PUS7: variants seen among roughly 807,000 people sequenced by gnomAD.
The protein encoded by PUS7 is pseudouridine synthase 7.
Under a neutral mutation model 79.8 loss-of-function variants are expected in PUS7, and 48 were observed. That is an observed-to-expected ratio of 0.60 (90% CI 0.48 to 0.76). The LOEUF (loss-of-function observed/expected upper bound fraction) is 0.76, where lower values mean the gene tolerates loss of function less well. Ranked by LOEUF, PUS7 falls within the 30% of genes least tolerant of loss-of-function variation. The pLI, the probability that PUS7 is intolerant of heterozygous loss-of-function variation, is 0.00. For missense variants in PUS7, 729 were observed against 797.6 expected, an observed-to-expected ratio of 0.91 and a Z score of 1.04; for synonymous variants, 286 against 272.2, an observed-to-expected ratio of 1.05 and a Z score of -0.50.
chr7:105,510,754 A>ATCT (rs1825670970), intron 1 of PUS7, among the ~76,000 whole-genome samples: 1 of 151,842 alleles, frequency 6.6e-6, no homozygotes, highest in South Asian at 2.1e-4. Flanking sequence ...ACCTCAAGTG[A>ATCT]TCTTCCCACA....
Position 105,465,347 on chromosome 7 carries a change from C to T in PUS7, c.1593G>A (p.Leu531=). 6.2e-7 allele frequency: 1 copy of T among 1,613,500 alleles called. No homozygotes were observed. Among genetic ancestry groups the T allele is most frequent in the Non-Finnish European group, 8.5e-7 (1 of 1,179,554 alleles). ...TTGGGTAGATAACATCGAAACCAGGCAAGGGCATTACCACATCATGGATAG... is the reference window on the plus strand; with the variant it reads ...TTGGGTAGATAACATCGAAACCAGGTAAGGGCATTACCACATCATGGATAG... ...NYSIHDVVMP[L]PGFDVIYPKH... Residue 531 remains leucine (L), a synonymous_variant, in exon 13 of 16, where the codon TTG becomes TTA. Transcript: ENST00000469408.
rs1438897652 is a variant in PUS7 at position 105,496,963 on chromosome 7, T to C, written c.731-1710A>G. On this transcript the variant is annotated intron_variant, in intron 5 of 15. Coordinates refer to ENST00000469408, the MANE Select transcript of PUS7 (RefSeq NM_019042.5). ...TGCCAAATGCTCTTACCTGCTGCAG[T>C]TCTGACCTCTGTCCAAATGCACAGC... 9 of 1,221,130 alleles carry C rather than the reference T, an allele frequency of 7.4e-6. No individual in the cohort carries two copies. The Admixed American group carries it at 1.9e-4, about 26-fold the overall frequency. 75.6% of individuals were successfully genotyped at this position (1,221,130 alleles called of 1,614,324 possible).
rs112752687 is a variant in PUS7, at chr7:105,505,003, A to AT, written c.585+951dup. The stretch of plus-strand genomic sequence containing the variant: ...TGTAGTACAAAATTAATTTAACATA[A>AT]TTTTTTTTTTTTTTTGATATGGAGT... On this transcript the variant is annotated intron_variant, in intron 4 of 15. Coordinates refer to ENST00000469408, the MANE Select transcript of PUS7 (RefSeq NM_019042.5). 9.0e-3 allele frequency among the ~76,000 whole-genome samples: 1,278 copies of AT among 142,644 alleles called. 27 individuals are homozygous for AT. The highest frequency in any genetic ancestry group is 0.026 in the African/African-American group (1,030 of 39,218). 93.6% of individuals were successfully genotyped at this position (142,644 alleles called of 152,430 possible). A position where few individuals can be genotyped will look rare whatever the true frequency, so the allele number is the denominator to read the frequency against.
At position 105,459,281 on chromosome 7, in the gene PUS7, A is replaced by G. The variant is rs150330412; in HGVS notation, c.1758-22T>C. Reference sequence around the variant, plus strand: ...TTCCCTTCAAAACATATGAATAAAGATAAGTGTGAATGTGAACTTTCATAA... The same window carrying G: ...TTCCCTTCAAAACATATGAATAAAGGTAAGTGTGAATGTGAACTTTCATAA... On this transcript the variant is annotated intron_variant, in intron 14 of 15. Coordinates refer to ENST00000469408, the MANE Select transcript of PUS7 (RefSeq NM_019042.5). 1.9e-4 allele frequency: 292 copies of G among 1,509,976 alleles called. 4 individuals carry two copies. The East Asian group carries it at 3.2e-3, about 17-fold the overall frequency. The allele number at this position is 1,509,976 out of a possible 1,614,324, so 93.5% of individuals were successfully genotyped here.
At chr7:105,499,554 T>A (rs1010868004) in intron 5 of PUS7, among the ~76,000 whole-genome samples, 6 of 152,136 alleles carry the variant, frequency 3.9e-5, no homozygotes, top group Admixed American at 6.5e-5. Context: ...GATGGTATTT[T>A]AAAAAAAAAT....
chr7:105,474,898 C>T (rs1464812635), intron 9 of PUS7, among the ~76,000 whole-genome samples: 1 of 152,204 alleles, frequency 6.6e-6, no homozygotes, highest in Non-Finnish European at 1.5e-5. Context: ...ATGCTCATTG[C>T]TTTGCATATT....
At chr7:105,462,818 A>C in intron 13 of PUS7, 68 bp from the exon 14 acceptor site, 1 of 1,441,994 alleles carries the variant, frequency 6.9e-7, no homozygotes, top group Non-Finnish European at 9.5e-7. Flanking sequence ...ACTAGATTAT[A>C]AAGAGAGTAA....
intron 1 of PUS7, 86 bp from the exon 2 acceptor site, chr7:105,508,630 C>T (rs1825570368): frequency 4.7e-6 from 7 of 1,489,402 alleles, no homozygotes; most frequent in South Asian, 1.4e-5. Flanking sequence ...GTAATCCCAG[C>T]GTTTTGAGGG....
chr7:105,486,183 G>T (rs150510805), intron 7 of PUS7, among the ~76,000 whole-genome samples: 48 of 152,048 alleles, frequency 3.2e-4, no homozygotes, highest in Non-Finnish European at 5.1e-4. Context: ...CTCTCAAGTA[G>T]CTGGGATTAC....
intron 7 of PUS7, among the ~76,000 whole-genome samples, chr7:105,486,636 T>C (rs890545861): frequency 2.0e-5 from 3 of 152,086 alleles, no homozygotes; most frequent in Non-Finnish European, 2.9e-5. Flanking sequence ...CTGTAGAAAC[T>C]GACAGAACAA....
rs751500860 is a variant in PUS7, at chr7:105,491,524, C to G, written c.920+16G>C. 1.3e-6 allele frequency: 2 copies of G among 1,516,836 alleles called. No homozygotes were observed. The highest frequency in any genetic ancestry group is 1.8e-6 in the Non-Finnish European group (2 of 1,099,538). The allele number at this position is 1,516,836 out of a possible 1,614,324, so 94.0% of individuals were successfully genotyped here. ...GATATTTACAGTATAAATCCTGTTA[C>G]GTGCTCTCTACTTACTTGAGAACAG... On this transcript the variant is annotated intron_variant, in intron 7 of 15. Transcript: ENST00000469408.
chr7:105,486,049 G>T lies in PUS7; in HGVS notation c.921-3609C>A, dbSNP rs868790618. Among the ~76,000 whole-genome samples, 590 of 136,118 alleles carry T rather than the reference G, an allele frequency of 4.3e-3. 3 individuals are homozygous for T. Among genetic ancestry groups the T allele is most frequent in the African/African-American group, 0.011 (395 of 36,838 alleles). 89.3% of individuals were successfully genotyped at this position (136,118 alleles called of 152,430 possible). ...TTATTTTTCTTTCTTTTTTTTTTTTGTTTTGTTTTGTTTTTGAGACAGAGT... is the reference window on the plus strand; with the variant it reads ...TTATTTTTCTTTCTTTTTTTTTTTTTTTTTGTTTTGTTTTTGAGACAGAGT... On this transcript the variant is annotated intron_variant, in intron 7 of 15. Coordinates refer to ENST00000469408, the MANE Select transcript of PUS7 (RefSeq NM_019042.5).
At chr7:105,475,784 T>C (rs1437402913) in intron 9 of PUS7, among the ~76,000 whole-genome samples, 3 of 152,160 alleles carry the variant, frequency 2.0e-5, no homozygotes, top group Non-Finnish European at 2.9e-5. Flanking sequence ...CATCACTGTC[T>C]ACCTCCACAA....
At chr7:105,476,195 C>T (rs1270330963) in intron 9 of PUS7, among the ~76,000 whole-genome samples, 2 of 150,644 alleles carry the variant, frequency 1.3e-5, no homozygotes, top group Non-Finnish European at 3.0e-5. Context: ...GTATGGGCCA[C>T]ATTTTGTTTG....
rs575780109 is a variant in PUS7 at position 105,510,677 on chromosome 7, C to A, written c.-32-2133G>T. On this transcript the variant is annotated intron_variant, in intron 1 of 15. Transcript: ENST00000469408. ...CACAGGCGTGTACCACCACGCCTGG[C>A]TAATTTTTGTAATTTTTGGTAGAGA... 3.0e-3 allele frequency among the ~76,000 whole-genome samples: 449 copies of A among 152,122 alleles called. 5 individuals carry two copies. Among genetic ancestry groups the A allele is most frequent in the African/African-American group, 0.01 (420 of 41,500 alleles).
intron 5 of PUS7, among the ~76,000 whole-genome samples, chr7:105,501,659 C>T (rs1345272603): frequency 6.6e-6 from 1 of 151,920 alleles, no homozygotes; most frequent in East Asian, 1.9e-4. Context: ...ATGCCTCTTT[C>T]AATACAGGGG....
intron 7 of PUS7, among the ~76,000 whole-genome samples, chr7:105,487,373 G>A (rs1184357115): frequency 6.6e-6 from 1 of 152,134 alleles, no homozygotes; most frequent in East Asian, 1.9e-4. Context: ...TGACTTCTTA[G>A]TGGAATGTTT....
At chr7:105,504,596 T>G (rs187006477) in intron 4 of PUS7, among the ~76,000 whole-genome samples, 1 of 152,342 alleles carries the variant, frequency 6.6e-6, no homozygotes, top group African/African-American at 2.4e-5. Flanking sequence ...TTATGCCTTT[T>G]AAATGTACAG....
At position 105,496,194 on chromosome 7, in the gene PUS7, CACATATATATAT is replaced by C. The variant is rs540081975; in HGVS notation, c.731-953_731-942del. ...AAAAGTATGCATATCTACACACACA[CACATATATATAT>C]ATATATATATATATATATATAGAGA... On this transcript the variant is annotated intron_variant, in intron 5 of 15. Transcript: ENST00000469408. Among the ~76,000 whole-genome samples the C allele has an allele frequency of 3.6e-4, 33 of 91,612 alleles. 1 individual carries two copies. The highest frequency in any genetic ancestry group is 9.0e-4 in the South Asian group (2 of 2,234). 60.1% of individuals were successfully genotyped at this position (91,612 alleles called of 152,430 possible).
Sources: gnomAD v4.1 joint callset for allele counts (sites outside exome capture counted in the v4.1 genomes callset) on GRCh38, gnomAD v4.1.1 for gene constraint, MANE v1.5 for transcripts, NCBI Gene and HGNC (gene_info 2026-07-23, HGNC 2026-07-21) for gene names.